Variants in TP53INP1 observed in about 807,000 individuals in gnomAD.
TP53INP1 encodes tumor protein p53-inducible nuclear protein 1.
TP53INP1 carries 12 observed loss-of-function variants against 21.0 expected under a neutral mutation model. The ratio of observed to expected loss-of-function variants is 0.57; its 90% CI spans 0.37 to 0.93. The LOEUF (loss-of-function observed/expected upper bound fraction) is 0.93, where lower values mean the gene tolerates loss of function less well. TP53INP1 is among the 40% of genes least tolerant of loss of function. The pLI is 0.01. For synonymous variants in TP53INP1, 91 were observed against 94.8 expected (o/e 0.96, Z 0.23); for missense variants, 274 against 294.7 (o/e 0.93, Z 0.51).
At chr8:94,933,549 G>C (rs1289949537) in intron 3 of TP53INP1, among the ~76,000 whole-genome samples, 1 of 152,146 alleles carries the variant, frequency 6.6e-6, no homozygotes, top group Non-Finnish European at 1.5e-5. Context: ...TGGCTCACCT[G>C]AAGTCAGGAG....
intron 3 of TP53INP1, chr8:94,939,648 T>G (rs1821324284): frequency 1.6e-6 from 1 of 622,152 alleles, no homozygotes; most frequent in Admixed American, 2.8e-5. Flanking sequence ...TCTGCCTGCC[T>G]TGGCCTCCCA....
At chr8:94,936,921 A>G (rs1821034973) in intron 3 of TP53INP1, among the ~76,000 whole-genome samples, 1 of 152,168 alleles carries the variant, frequency 6.6e-6, no homozygotes, top group South Asian at 2.1e-4. Context: ...CAGCCAGCAA[A>G]AGAGACAGAC....
intron 3 of TP53INP1, 109 bp from the exon 4 acceptor site, chr8:94,930,837 A>G: frequency 1.6e-6 from 2 of 1,238,678 alleles, no homozygotes; most frequent in South Asian, 3.0e-5. Flanking sequence ...TTATGGCTGA[A>G]TGAGAGCTTG....
intron 1 of TP53INP1, among the ~76,000 whole-genome samples, chr8:94,941,322 G>A (rs1821509703): frequency 6.6e-6 from 1 of 152,140 alleles, no homozygotes; most frequent in Admixed American, 6.6e-5. Flanking sequence ...AAGGGAAAGA[G>A]TTGGTTCTTT....
chr8:94,945,620 G>T (rs113985196), intron 1 of TP53INP1: 1 of 152,222 alleles, frequency 6.6e-6, no homozygotes, highest in Non-Finnish European at 1.5e-5. Flanking sequence ...CTACATGGAG[G>T]TAAATGGAAA....
rs569042581 is a variant in TP53INP1, at chr8:94,939,575, T to C, written c.473+285A>G. 3.9e-3 allele frequency: 1,332 copies of C among 344,918 alleles called. 6 individuals are homozygous for C. The highest frequency in any genetic ancestry group is 5.4e-3 in the Non-Finnish European group (955 of 178,210). The allele number at this position is 344,918 out of a possible 1,614,324, so 21.4% of individuals were successfully genotyped here. Reference sequence around the variant, plus strand: ...CACACCTGGCTAATTTTTTGTTATTTTTTGTACAGACGGGGTTTCACCATG... The same window carrying C: ...CACACCTGGCTAATTTTTTGTTATTCTTTGTACAGACGGGGTTTCACCATG... On this transcript the variant is annotated intron_variant, in intron 3 of 3. Transcript: ENST00000342697.
intron 3 of TP53INP1, 31 bp from the exon 4 acceptor site, chr8:94,930,759 A>G: frequency 6.2e-7 from 1 of 1,608,028 alleles, no homozygotes. Context: ...GATGTATTAA[A>G]TAACAGAGTA....
At chr8:94,938,706 C>T (rs1030119291) in intron 3 of TP53INP1, among the ~76,000 whole-genome samples, 3 of 152,198 alleles carry the variant, frequency 2.0e-5, no homozygotes, top group African/African-American at 7.2e-5. Flanking sequence ...TGGAGGTTCC[C>T]GGAGGGTGGG....
At chr8:94,935,611 C>G (rs1820903833) in intron 3 of TP53INP1, among the ~76,000 whole-genome samples, 1 of 152,156 alleles carries the variant, frequency 6.6e-6, no homozygotes, top group South Asian at 2.1e-4. Flanking sequence ...CCAAAGGCCT[C>G]TCCTACACAA....
At chr8:94,937,601 A>G (rs892885287) in intron 3 of TP53INP1, among the ~76,000 whole-genome samples, 31 of 152,188 alleles carry the variant, frequency 2.0e-4, no homozygotes, top group African/African-American at 7.5e-4. Context: ...TAAGTATGCT[A>G]GTATAATGAC....
Position 94,930,370 on chromosome 8 carries a change from G to T in TP53INP1, c.*109C>A. On this transcript the variant is annotated 3_prime_UTR_variant, in exon 4 of 4. Coordinates refer to ENST00000342697, the MANE Select transcript of TP53INP1 (RefSeq NM_033285.4). ...TCTAAATACACTGATAAAACTATGT[G>T]ATTGGTTATCAATTGGTTGTAAAGA... The T allele has an allele frequency of 7.0e-7, 1 of 1,438,780 alleles. No individual in the cohort carries two copies. The highest frequency in any genetic ancestry group is 9.5e-7 in the Non-Finnish European group (1 of 1,052,676). 89.1% of individuals were successfully genotyped at this position (1,438,780 alleles called of 1,614,324 possible).
chr8:94,932,575 G>A lies in TP53INP1; in HGVS notation c.474-1847C>T, dbSNP rs530120860. ...TCCCAGCACTTTGGGAGGCTGAGGC[G>A]GGCGGATCGTGAGGTCAGGAGATCA... On this transcript the variant is annotated intron_variant, in intron 3 of 3. Transcript: ENST00000342697. Among the ~76,000 whole-genome samples the A allele has an allele frequency of 1.4e-4, 22 of 152,190 alleles. No homozygotes were observed. In the South Asian group the frequency reaches 2.7e-3, roughly 19 times the overall value.
rs1008333651 is a variant in TP53INP1 at position 94,940,367 on chromosome 8, G to T, written c.113-147C>A. The stretch of plus-strand genomic sequence containing the variant: ...GATGATACTATTAGCTGATGCTCAC[G>T]TATCTTCTTTTATTTAGTTCAGAAA... On this transcript the variant is annotated intron_variant, in intron 2 of 3. Transcript: ENST00000342697. The T allele has an allele frequency of 8.8e-6, 8 of 911,126 alleles. 1 individual carries two copies. Among genetic ancestry groups the T allele is most frequent in the African/African-American group, 8.3e-5 (5 of 60,064 alleles). 56.4% of individuals were successfully genotyped at this position (911,126 alleles called of 1,614,324 possible).
intron 3 of TP53INP1, among the ~76,000 whole-genome samples, chr8:94,936,789 G>A (rs1055273149): frequency 2.0e-5 from 3 of 152,136 alleles, no homozygotes. Flanking sequence ...ATCTCCGTGT[G>A]CTCCCTGGAG....
chr8:94,937,927 T>C (rs374740845), intron 3 of TP53INP1, among the ~76,000 whole-genome samples: 82 of 152,266 alleles, frequency 5.4e-4, no homozygotes, highest in Middle Eastern at 3.4e-3. Flanking sequence ...CTTGCTAAAC[T>C]AGTATTGCTA....
intron 3 of TP53INP1, among the ~76,000 whole-genome samples, chr8:94,937,596 A>G (rs1157580191): frequency 6.6e-6 from 1 of 152,178 alleles, no homozygotes; most frequent in Non-Finnish European, 1.5e-5. Flanking sequence ...AGGGTTAAGT[A>G]TGCTAGTATA....
intron 3 of TP53INP1, among the ~76,000 whole-genome samples, chr8:94,935,998 G>A (rs1449439555): frequency 6.6e-6 from 1 of 152,164 alleles, no homozygotes; most frequent in Admixed American, 6.5e-5. Context: ...AAGCTGGAGT[G>A]GTGGTAGGGA....
intron 3 of TP53INP1, among the ~76,000 whole-genome samples, chr8:94,931,837 T>G (rs886285875): frequency 1.3e-5 from 2 of 151,992 alleles, no homozygotes; most frequent in African/African-American, 4.8e-5. Context: ...CCAGGTGTGG[T>G]GATGCAAGCC....
At chr8:94,935,009 CTT>C (rs1820814898) in intron 3 of TP53INP1, among the ~76,000 whole-genome samples, 1 of 151,970 alleles carries the variant, frequency 6.6e-6, no homozygotes, top group Non-Finnish European at 1.5e-5. Flanking sequence ...AATATTGAGA[CTT>C]GAGAGTATGG....
Sources: allele counts gnomAD v4.1 joint callset (sites outside exome capture counted in the v4.1 genomes callset), GRCh38; gene constraint gnomAD v4.1.1; transcripts MANE v1.5; gene names NCBI Gene and HGNC (gene_info 2026-07-23, HGNC 2026-07-21).